The following HORMAD2 variants were observed in gnomAD, a reference collection of about 807,000 sequenced individuals.
The protein encoded by HORMAD2 is HORMA domain containing 2.
HORMAD2 carries 45 observed loss-of-function variants against 38.8 expected under a neutral mutation model. The ratio of observed to expected loss-of-function variants is 1.16; its 90% CI spans 0.91 to 1.49. The LOEUF is 1.49. Among genes scored for constraint, HORMAD2 ranks in the 40% most tolerant of loss-of-function variants. The pLI, the probability that HORMAD2 is intolerant of heterozygous loss-of-function variation, is 0.00. For missense variants in HORMAD2, 338 were observed against 367.0 expected (o/e 0.92, Z 0.65); for synonymous variants, 126 against 122.8 (o/e 1.03, Z -0.17).
chr22:30,106,168 A>T (rs1921178014), intron 5 of HORMAD2, among the ~76,000 whole-genome samples: 1 of 151,876 alleles, frequency 6.6e-6, no homozygotes, highest in African/African-American at 2.4e-5. Flanking sequence ...GCACCACCAC[A>T]CTCGGCTAAT....
chr22:30,079,166 G>T (rs2068427479), upstream of HORMAD2, among the ~76,000 whole-genome samples: 1 of 152,028 alleles, frequency 6.6e-6, no homozygotes, highest in Non-Finnish European at 1.5e-5. Context: ...GTTTCAAGTG[G>T]CTCACTCTTT....
intron 1 of HORMAD2, among the ~76,000 whole-genome samples, chr22:30,085,990 G>A (rs2068563862): frequency 1.3e-5 from 2 of 152,200 alleles, no homozygotes; most frequent in African/African-American, 2.4e-5. Flanking sequence ...TTGGATTTAT[G>A]TCTCCACCCA....
chr22:30,172,590 A>G (rs1304065039), intron 10 of HORMAD2, among the ~76,000 whole-genome samples: 1 of 152,152 alleles, frequency 6.6e-6, no homozygotes, highest in Non-Finnish European at 1.5e-5. Context: ...GAATACAAAG[A>G]TGATGAAAAT....
intron 1 of HORMAD2, chr22:30,081,290 G>A (rs551675994): frequency 6.6e-6 from 1 of 152,264 alleles, no homozygotes; most frequent in African/African-American, 2.4e-5. Context: ...TCGTAATCCT[G>A]CATGTTGTTG....
At chr22:30,127,506 C>T (rs971671055) in intron 10 of HORMAD2, among the ~76,000 whole-genome samples, 1 of 152,036 alleles carries the variant, frequency 6.6e-6, no homozygotes, top group Non-Finnish European at 1.5e-5. Context: ...CACGCCCAGC[C>T]TAATTTTTGT....
At chr22:30,117,889 C>G (rs1261363156) in intron 7 of HORMAD2, among the ~76,000 whole-genome samples, 2 of 152,140 alleles carry the variant, frequency 1.3e-5, no homozygotes, top group Non-Finnish European at 2.9e-5. Flanking sequence ...GTTTTCTTAA[C>G]AGTGAGGAGA....
At chr22:30,157,808 ATAAC>A (rs1925177475) in intron 10 of HORMAD2, among the ~76,000 whole-genome samples, 1 of 152,222 alleles carries the variant, frequency 6.6e-6, no homozygotes, top group African/African-American at 2.4e-5. Flanking sequence ...TATACTTCTC[ATAAC>A]CTAAAAGAAA....
intron 1 of HORMAD2, among the ~76,000 whole-genome samples, chr22:30,084,679 G>A (rs1047640903): frequency 3.3e-5 from 5 of 151,628 alleles, no homozygotes; most frequent in African/African-American, 1.2e-4. Context: ...AGTAGAGACA[G>A]GGCTTCACCA....
At chr22:30,092,449 A>G (rs1427426822) in intron 1 of HORMAD2, among the ~76,000 whole-genome samples, 2 of 142,780 alleles carry the variant, frequency 1.4e-5, no homozygotes, top group African/African-American at 2.6e-5. Context: ...CTCCCATTCT[A>G]TAGGCTGTCT....
At chr22:30,084,924 T>A (rs1601493397) in intron 1 of HORMAD2, among the ~76,000 whole-genome samples, 1 of 151,984 alleles carries the variant, frequency 6.6e-6, no homozygotes, top group South Asian at 2.1e-4. Context: ...GGCGGGCGGA[T>A]CATGAGGTCA....
intron 10 of HORMAD2, among the ~76,000 whole-genome samples, chr22:30,155,262 T>G (rs1304739202): frequency 6.6e-6 from 1 of 152,182 alleles, no homozygotes; most frequent in East Asian, 1.9e-4. Context: ...CCTTTGTAAT[T>G]AATAAGTAGT....
At chr22:30,165,770 A>G (rs1925739238) in intron 10 of HORMAD2, among the ~76,000 whole-genome samples, 1 of 152,042 alleles carries the variant, frequency 6.6e-6, no homozygotes, top group African/African-American at 2.4e-5. Context: ...GGTAATTGAA[A>G]TGCCACCTTT....
intron 10 of HORMAD2, among the ~76,000 whole-genome samples, chr22:30,138,361 T>A (rs1357845758): frequency 6.6e-6 from 1 of 151,238 alleles, no homozygotes; most frequent in African/African-American, 2.4e-5. Flanking sequence ...GGAGATGGGG[T>A]CTCGCCATGT....
At chr22:30,175,965 G>A in intron 10 of HORMAD2, 98 bp from the exon 11 acceptor site, 1 of 789,764 alleles carries the variant, frequency 1.3e-6, no homozygotes, top group East Asian at 2.7e-5. Context: ...CCGTTATGCA[G>A]CTTGAGGGAT....
At chr22:30,130,275 A>T (rs909988184) in intron 10 of HORMAD2, among the ~76,000 whole-genome samples, 1 of 152,194 alleles carries the variant, frequency 6.6e-6, no homozygotes, top group Non-Finnish European at 1.5e-5. Context: ...GGTTGAAATT[A>T]TTCAGTAATT....
chr22:30,079,296 C>T (rs932892026), upstream of HORMAD2, among the ~76,000 whole-genome samples: 2 of 152,110 alleles, frequency 1.3e-5, no homozygotes, highest in African/African-American at 2.4e-5. Context: ...AGGAGCCACA[C>T]CCCCAACTGC....
intron 10 of HORMAD2, among the ~76,000 whole-genome samples, chr22:30,146,770 T>G (rs1448156995): frequency 6.6e-6 from 1 of 152,066 alleles, no homozygotes; most frequent in African/African-American, 2.4e-5. Context: ...TTTTTGAGAA[T>G]GACATGACTG....
At chr22:30,096,518 G>C (rs531858965) in intron 2 of HORMAD2, among the ~76,000 whole-genome samples, 2 of 151,654 alleles carry the variant, frequency 1.3e-5, no homozygotes, top group South Asian at 2.1e-4. Flanking sequence ...TGTCACCCAG[G>C]CTGGAGTGGT....
chr22:30,081,520 G>T (rs2068474202), intron 1 of HORMAD2, among the ~76,000 whole-genome samples: 1 of 152,128 alleles, frequency 6.6e-6, no homozygotes, highest in Non-Finnish European at 1.5e-5. Context: ...GAAGGTCTAA[G>T]TAATTGGGCG....
Sources: allele counts gnomAD v4.1 joint callset (sites outside exome capture counted in the v4.1 genomes callset), GRCh38; gene constraint gnomAD v4.1.1; transcripts MANE v1.5; gene names NCBI Gene and HGNC (gene_info 2026-07-23, HGNC 2026-07-21).